ANK3: variants seen among roughly 807,000 people sequenced by gnomAD.
ANK3 encodes ankyrin-3.
ANK3 carries 57 observed loss-of-function variants against 370.9 expected under a neutral mutation model. The ratio of observed to expected loss-of-function variants is 0.15; its 90% CI spans 0.12 to 0.19. ANK3 has a LOEUF of 0.19. Among genes scored for constraint, ANK3 ranks in the 10% least tolerant of loss-of-function variants. The probability of loss-of-function intolerance (pLI) is 1.00; values close to 1 mark genes in which losing one functional copy is unlikely to be tolerated. For synonymous variants in ANK3, 1,929 were observed against 1,946.3 expected (o/e 0.99, Z 0.23); for missense variants, 4,439 against 5,302.1 (o/e 0.84, Z 5.06).
At chr10:60,031,610 AAAC>A (rs2073579864) in intron 43 of ANK3, among the ~76,000 whole-genome samples, 1 of 152,220 alleles carries the variant, frequency 6.6e-6, no homozygotes, top group South Asian at 2.1e-4. Context: ...ACTCCCATAT[AAAC>A]AACAGACTAT....
intron 2 of ANK3, among the ~76,000 whole-genome samples, chr10:60,486,940 C>T (rs925326671): frequency 1.3e-5 from 2 of 151,996 alleles, no homozygotes; most frequent in Non-Finnish European, 2.9e-5. Context: ...TTATAATAAA[C>T]AAAAAATATT....
chr10:60,052,316 A>G (rs1377921158), intron 42 of ANK3, among the ~76,000 whole-genome samples: 1 of 152,206 alleles, frequency 6.6e-6, no homozygotes, highest in African/African-American at 2.4e-5. Context: ...CAATAGGGCA[A>G]GACTCCGTCT....
chr10:60,559,035 G>A (rs1461612451), intron 2 of ANK3, among the ~76,000 whole-genome samples: 2 of 152,122 alleles, frequency 1.3e-5, no homozygotes, highest in Non-Finnish European at 2.9e-5. Flanking sequence ...TATCAAATGT[G>A]ATAAGTAGCA....
At chr10:60,676,277 A>G (rs1479947241) in intron 1 of ANK3, among the ~76,000 whole-genome samples, 1 of 152,222 alleles carries the variant, frequency 6.6e-6, no homozygotes, top group Non-Finnish European at 1.5e-5. Context: ...TTTTCTCAAT[A>G]GGAATGAACT....
intron 23 of ANK3, among the ~76,000 whole-genome samples, chr10:60,146,863 C>T (rs1343736314): frequency 6.6e-6 from 1 of 152,132 alleles, no homozygotes; most frequent in African/African-American, 2.4e-5. Flanking sequence ...ATTACTTTTC[C>T]CTTGATCTCC....
chr10:60,609,756 G>T (rs2078177497), intron 2 of ANK3, among the ~76,000 whole-genome samples: 1 of 152,102 alleles, frequency 6.6e-6, no homozygotes, highest in South Asian at 2.1e-4. Flanking sequence ...ATCTGTGCTA[G>T]ACTGAAACAC....
chr10:60,351,668 G>T (rs1182793420), intron 1 of ANK3, among the ~76,000 whole-genome samples: 2 of 152,264 alleles, frequency 1.3e-5, no homozygotes, highest in East Asian at 1.9e-4. Flanking sequence ...ACAGGCTCAG[G>T]TAGAAGTGCA....
rs942455929 is a variant in ANK3 at position 60,074,275 on chromosome 10, T to C, written c.6606A>G (p.Glu2202=). ...TAGAGGTGGTGGGCTTTGGTTCCAATTCCATAAAAGTAGGTGAAGGTTTAG... is the reference window on the plus strand; with the variant it reads ...TAGAGGTGGTGGGCTTTGGTTCCAACTCCATAAAAGTAGGTGAAGGTTTAG... The part of the protein sequence containing the change: ...VSPKPSPTFM[E]LEPKPTTSSI... The change falls in exon 37 of 44, where the codon GAA becomes GAG. Residue 2202 remains glutamate, a synonymous_variant. Transcript: ENST00000280772. The C allele has an allele frequency of 5.6e-6, 9 of 1,614,028 alleles. No homozygotes were observed. Among genetic ancestry groups the C allele is most frequent in the Non-Finnish European group, 6.8e-6 (8 of 1,180,022 alleles).
intron 1 of ANK3, among the ~76,000 whole-genome samples, chr10:60,636,852 G>A (rs2078561812): frequency 1.3e-5 from 2 of 152,194 alleles, no homozygotes; most frequent in South Asian, 4.1e-4. Flanking sequence ...TTTGTAAGAA[G>A]TAAGAAAAAC....
At chr10:60,133,383 TG>T (rs1416308272) in intron 25 of ANK3, among the ~76,000 whole-genome samples, 1 of 152,234 alleles carries the variant, frequency 6.6e-6, no homozygotes, top group East Asian at 1.9e-4. Context: ...GCAGGAAGAC[TG>T]TGTTACTGGA....
At chr10:60,257,421 C>T (rs2097755470) in intron 7 of ANK3, among the ~76,000 whole-genome samples, 1 of 152,138 alleles carries the variant, frequency 6.6e-6, no homozygotes, top group Non-Finnish European at 1.5e-5. Flanking sequence ...AAGGTGCCTT[C>T]ACAGATGGAG....
At chr10:60,562,047 A>G (rs1260358201) in intron 2 of ANK3, among the ~76,000 whole-genome samples, 1 of 152,226 alleles carries the variant, frequency 6.6e-6, no homozygotes, top group Non-Finnish European at 1.5e-5. Context: ...GAAGGAATCA[A>G]TGGTATGGCA....
At chr10:60,504,650 C>T (rs918090690) in intron 2 of ANK3, among the ~76,000 whole-genome samples, 1 of 151,908 alleles carries the variant, frequency 6.6e-6, no homozygotes, top group Non-Finnish European at 1.5e-5. Context: ...TAATAGAATC[C>T]CTCAGATTCA....
At chr10:60,679,672 G>C (rs1308747354) in intron 1 of ANK3, among the ~76,000 whole-genome samples, 1 of 152,074 alleles carries the variant, frequency 6.6e-6, no homozygotes, top group African/African-American at 2.4e-5. Flanking sequence ...AAGAATCAGG[G>C]GAGAAGAAAT....
chr10:60,295,200 G>GTGA (rs1381112416), intron 1 of ANK3, among the ~76,000 whole-genome samples: 1 of 152,162 alleles, frequency 6.6e-6, no homozygotes, highest in Non-Finnish European at 1.5e-5. Context: ...ATGTAGTTTA[G>GTGA]TGATTTCAGA....
At chr10:60,424,694 G>A (rs940110665) in intron 2 of ANK3, among the ~76,000 whole-genome samples, 2 of 152,056 alleles carry the variant, frequency 1.3e-5, no homozygotes, top group Non-Finnish European at 2.9e-5. Flanking sequence ...CTAGTTCTGA[G>A]CCTTGGGAAA....
rs1342072007 is a variant in ANK3 at position 60,270,256 on chromosome 10, T to A, written c.415-27A>T. 5 of 1,506,212 alleles carry A rather than the reference T, an allele frequency of 3.3e-6. No homozygotes were observed. In the Admixed American group the frequency reaches 9.4e-5, roughly 28 times the overall value. The allele number at this position is 1,506,212 out of a possible 1,614,324, so 93.3% of individuals were successfully genotyped here. On this transcript the variant is annotated intron_variant, in intron 4 of 43. Coordinates refer to ENST00000280772, the MANE Select transcript of ANK3 (RefSeq NM_020987.5). ...TGCAAAATAAGAAAAAAAATGTTTG[T>A]CTGCAGCTTTCCAGAGACAATCTAT...
At chr10:60,654,442 G>T (rs375070467) in intron 1 of ANK3, among the ~76,000 whole-genome samples, 1 of 152,128 alleles carries the variant, frequency 6.6e-6, no homozygotes, top group Non-Finnish European at 1.5e-5. Context: ...TTTCATAGAT[G>T]TCTTTATTGA....
In ANK3 at chr10:60,303,882, G is replaced by A. The variant is rs1016627555; in HGVS notation, c.115-24243C>T. 4.2e-3 allele frequency among the ~76,000 whole-genome samples: 505 copies of A among 120,242 alleles called. 3 individuals carry two copies. Among genetic ancestry groups the A allele is most frequent in the African/African-American group, 0.012 (447 of 35,806 alleles). The allele number at this position is 120,242 out of a possible 152,430, so 78.9% of individuals were successfully genotyped here. On this transcript the variant is annotated intron_variant, in intron 1 of 43. Transcript: ENST00000280772. ...AATAAAATGTGGTGTATATATGTGTGTGTGTGTGTGTGTGTGTGTGTGTGT... is the reference window on the plus strand; with the variant it reads ...AATAAAATGTGGTGTATATATGTGTATGTGTGTGTGTGTGTGTGTGTGTGT...
Sources: allele counts gnomAD v4.1 joint callset (sites outside exome capture counted in the v4.1 genomes callset), GRCh38; gene constraint gnomAD v4.1.1; transcripts MANE v1.5; gene names NCBI Gene and HGNC (gene_info 2026-07-23, HGNC 2026-07-21).